The following SORT1 variants were observed in gnomAD, a reference collection of about 807,000 sequenced individuals.
SORT1 encodes sortilin.
In SORT1, 39 loss-of-function variants were observed where a neutral mutation model predicts 101.7. The ratio of observed to expected loss-of-function variants is 0.38; its 90% CI spans 0.30 to 0.50. The LOEUF (loss-of-function observed/expected upper bound fraction) is 0.50, where lower values mean the gene tolerates loss of function less well. Ranked by LOEUF, SORT1 falls within the 20% of genes least tolerant of loss-of-function variation. SORT1 has a pLI of 0.90. For missense variants in SORT1, 878 were observed against 1,040.4 expected (o/e 0.84, Z 2.15); for synonymous variants, 396 against 393.7 (o/e 1.01, Z -0.07).
At chr1:109,356,923 A>G (rs549263221) in intron 3 of SORT1, among the ~76,000 whole-genome samples, 1 of 152,352 alleles carries the variant, frequency 6.6e-6, no homozygotes, top group South Asian at 2.1e-4. Context: ...GTATCCATCA[A>G]TGAAGACTGC....
chr1:109,384,863 A>G (rs916233940), intron 1 of SORT1, among the ~76,000 whole-genome samples: 1 of 152,126 alleles, frequency 6.6e-6, no homozygotes, highest in Non-Finnish European at 1.5e-5. Flanking sequence ...GGATCACTTG[A>G]GGTCAGGAGT....
In SORT1 at chr1:109,314,373, T is replaced by C. The variant is rs766017586; in HGVS notation, c.2369A>G (p.His790Arg). The change falls in exon 19 of 20, where the codon CAT (histidine) becomes CGT (arginine). Residue 790 changes from histidine to arginine, a missense_variant. By Grantham distance (29) the His-to-Arg change is conservative. Around this residue, in one of 2 missense-constraint regions of SORT1, gnomAD observed 684 missense variants for 894.5 expected, o/e 0.76. Coordinates refer to ENST00000256637, the MANE Select transcript of SORT1 (RefSeq NM_002959.7). ...ATGCTGCTGCAGCACAGAGTATCGA[T>C]GCACCAGGAACCTGTGAACAGAAAC... ...KYVCGGRFLV[H>R]RYSVLQQHAE... is the part of the protein sequence containing the mutation. 5.6e-6 allele frequency: 9 copies of C among 1,613,868 alleles called. No individual in the cohort carries two copies. Among genetic ancestry groups the C allele is most frequent in the Middle Eastern group, 1.7e-4 (1 of 5,984 alleles).
chr1:109,363,283 T>G (rs1650852926), intron 3 of SORT1, among the ~76,000 whole-genome samples: 1 of 152,302 alleles, frequency 6.6e-6, no homozygotes, highest in Admixed American at 6.5e-5. Context: ...AAAAATCAAA[T>G]TATCATCTTA....
At chr1:109,384,906 C>T (rs1411743797) in intron 1 of SORT1, among the ~76,000 whole-genome samples, 1 of 152,050 alleles carries the variant, frequency 6.6e-6, no homozygotes, top group Non-Finnish European at 1.5e-5. Context: ...GGTGAAACCC[C>T]ATCTCTACTA....
chr1:109,338,565 C>T (rs1648998457), intron 10 of SORT1, among the ~76,000 whole-genome samples: 1 of 152,166 alleles, frequency 6.6e-6, no homozygotes, highest in African/African-American at 2.4e-5. Flanking sequence ...AGAACCCTGG[C>T]TGGCTACTGC....
At chr1:109,336,719 G>GA (rs1394871001) in intron 10 of SORT1, among the ~76,000 whole-genome samples, 2 of 151,180 alleles carry the variant, frequency 1.3e-5, no homozygotes, top group Non-Finnish European at 2.9e-5. Context: ...CGGGACAGGA[G>GA]AATCACTTGA....
intron 14 of SORT1, 41 bp from the exon 15 acceptor site, chr1:109,323,162 G>T (rs978738723): frequency 1.0e-5 from 15 of 1,486,838 alleles, no homozygotes; most frequent in Non-Finnish European, 1.4e-5. Flanking sequence ...ACACAGCACA[G>T]AACCCACCCA....
intron 1 of SORT1, chr1:109,393,271 A>T (rs919246521): frequency 1.0e-6 from 1 of 985,244 alleles, no homozygotes; most frequent in Admixed American, 6.1e-5. Context: ...GAAGTTGGGA[A>T]GTTATGTTTA....
chr1:109,345,533 A>C (rs1289774669), intron 8 of SORT1, among the ~76,000 whole-genome samples: 1 of 152,022 alleles, frequency 6.6e-6, no homozygotes, highest in African/African-American at 2.4e-5. Flanking sequence ...AAAAAATCCC[A>C]AAAAAGATAA....
intron 16 of SORT1, 112 bp from the exon 17 acceptor site, chr1:109,317,070 T>A (rs1359931543): frequency 5.6e-6 from 4 of 714,058 alleles, no homozygotes; most frequent in Non-Finnish European, 7.3e-6. Context: ...CATCCTTACG[T>A]CATGTTTCAG....
chr1:109,334,883 C>T lies in SORT1; in HGVS notation c.1371+1357G>A, dbSNP rs370115484. Among the ~76,000 whole-genome samples the T allele has an allele frequency of 1.3e-4, 20 of 152,122 alleles. 1 individual carries two copies. In the East Asian group the frequency reaches 3.1e-3, roughly 24 times the overall value. Reference sequence around the variant, plus strand: ...AGGTATACAGCCGAATGAAAGTTAACACTCTAAAAAGGGTTCAAAATGGCT... The same window carrying T: ...AGGTATACAGCCGAATGAAAGTTAATACTCTAAAAAGGGTTCAAAATGGCT... On this transcript the variant is annotated intron_variant, in intron 11 of 19. Coordinates refer to ENST00000256637, the MANE Select transcript of SORT1 (RefSeq NM_002959.7).
intron 3 of SORT1, chr1:109,367,172 A>G: frequency 2.9e-6 from 1 of 343,318 alleles, no homozygotes; most frequent in East Asian, 4.8e-5. Flanking sequence ...GGCTGCAGTG[A>G]GCCAAGATGA....
intron 11 of SORT1, 121 bp from the exon 12 acceptor site, chr1:109,327,722 C>G (rs1378490748): frequency 5.5e-6 from 3 of 541,914 alleles, no homozygotes; most frequent in Non-Finnish European, 6.4e-6. Flanking sequence ...AAAGTACTAT[C>G]TTAACTATTT....
chr1:109,313,940 G>T lies in SORT1; in HGVS notation c.*103C>A. 1 of 1,142,774 alleles carries T rather than the reference G, an allele frequency of 8.8e-7. No individual in the cohort carries two copies. The highest frequency in any genetic ancestry group is 1.3e-6 in the Non-Finnish European group (1 of 766,742). 70.8% of individuals were successfully genotyped at this position (1,142,774 alleles called of 1,614,324 possible). On this transcript the variant is annotated 3_prime_UTR_variant, in exon 20 of 20. Coordinates refer to ENST00000256637, the MANE Select transcript of SORT1 (RefSeq NM_002959.7). ...GATGGAAGCAGCAGAAACAGAGCTG[G>T]GTCCCTCGCAATGGGAAATTTATTT...
At position 109,310,358 on chromosome 1, in the gene SORT1, G is replaced by A. The variant is rs959100761; in HGVS notation, c.*3685C>T. The A allele has an allele frequency of 2.6e-5, 4 of 154,006 alleles. No individual in the cohort carries two copies. The highest frequency in any genetic ancestry group is 9.7e-5 in the African/African-American group (4 of 41,446). 9.5% of individuals were successfully genotyped at this position (154,006 alleles called of 1,614,324 possible). ...TCCTGCTATTTCAATGATGCTTCATGAGGGCAAGGCCTGGGCTCTGCTAGG... is the reference window on the plus strand; with the variant it reads ...TCCTGCTATTTCAATGATGCTTCATAAGGGCAAGGCCTGGGCTCTGCTAGG... On this transcript the variant is annotated 3_prime_UTR_variant, in exon 20 of 20. Transcript: ENST00000256637.
intron 17 of SORT1, among the ~76,000 whole-genome samples, chr1:109,315,263 T>C (rs1658962838): frequency 6.6e-6 from 1 of 152,210 alleles, no homozygotes; most frequent in African/African-American, 2.4e-5. Flanking sequence ...TTATTATAAA[T>C]AAGCCTTATC....
At chr1:109,394,920 T>C (rs951674637) in intron 1 of SORT1, among the ~76,000 whole-genome samples, 5 of 152,222 alleles carry the variant, frequency 3.3e-5, no homozygotes, top group Non-Finnish European at 7.3e-5. Flanking sequence ...ATATCTCTGA[T>C]AAAAAGTTGT....
At chr1:109,342,602 A>C (rs1306135595) in intron 8 of SORT1, among the ~76,000 whole-genome samples, 1 of 152,174 alleles carries the variant, frequency 6.6e-6, no homozygotes, top group Admixed American at 6.5e-5. Context: ...TTATATACTT[A>C]AGGGTCTAGA....
rs549958644 is a variant in SORT1, at chr1:109,326,902, A to G, written c.1643+90T>C. 1.0e-5 allele frequency: 10 copies of G among 997,728 alleles called. No individual in the cohort carries two copies. The South Asian group carries it at 2.5e-4, about 25-fold the overall frequency. 61.8% of individuals were successfully genotyped at this position (997,728 alleles called of 1,614,324 possible). A position where few individuals can be genotyped will look rare whatever the true frequency, so the allele number is the denominator to read the frequency against. The stretch of plus-strand genomic sequence containing the variant: ...TCTGTCAAATGCAAAAATTTGAATT[A>G]TAGTCTGTAACATCCCCCCAATAAA... On this transcript the variant is annotated intron_variant, in intron 13 of 19. Transcript: ENST00000256637.
Sources: allele counts gnomAD v4.1 joint callset (sites outside exome capture counted in the v4.1 genomes callset), GRCh38; gene constraint gnomAD v4.1.1; regional missense constraint gnomAD v4.1.1; transcripts MANE v1.5; gene names NCBI Gene and HGNC (gene_info 2026-07-23, HGNC 2026-07-21).